SH3KBP1: variants seen among roughly 807,000 people sequenced by gnomAD.
The protein encoded by SH3KBP1 is SH3 domain-containing kinase-binding protein 1.
SH3KBP1 carries 8 observed loss-of-function variants against 50.1 expected under a neutral mutation model. The observed-to-expected ratio is 0.16, with a 90% confidence interval of 0.09 to 0.29. The LOEUF is 0.29. SH3KBP1 is among the 10% of genes least tolerant of loss of function. The probability of loss-of-function intolerance (pLI) is 1.00; values close to 1 mark genes in which losing one functional copy is unlikely to be tolerated. For synonymous variants in SH3KBP1, 227 were observed against 218.6 expected, an observed-to-expected ratio of 1.04 and a Z score of -0.34; for missense variants, 377 against 535.2, an observed-to-expected ratio of 0.70 and a Z score of 2.92.
chrX:19,610,641 C>A (rs888295288), intron 8 of SH3KBP1, among the ~76,000 whole-genome samples: 3 of 111,775 alleles, frequency 2.7e-5, no homozygotes, highest in African/African-American at 9.8e-5. Flanking sequence ...TGATCTCTAA[C>A]CCCAGGGAGC....
chrX:19,633,990 A>G (rs1179876478), intron 7 of SH3KBP1, among the ~76,000 whole-genome samples: 1 of 101,999 alleles, frequency 9.8e-6, no homozygotes, highest in African/African-American at 3.7e-5. Flanking sequence ...TGTGAGAGGA[A>G]ATCTGCTGGG....
At chrX:19,707,192 T>G in intron 3 of SH3KBP1, 2 of 520,641 alleles carry the variant, frequency 3.8e-6, no homozygotes, top group Non-Finnish European at 7.0e-6. Flanking sequence ...AGCTGCTGGG[T>G]CAGAAAGGCA....
chrX:19,628,981 C>T (rs1183355003), intron 8 of SH3KBP1, among the ~76,000 whole-genome samples: 4 of 111,427 alleles, frequency 3.6e-5, no homozygotes, highest in African/African-American at 1.3e-4. Flanking sequence ...CAGGCACACA[C>T]CTGTAATCCC....
intron 2 of SH3KBP1, among the ~76,000 whole-genome samples, chrX:19,792,026 A>G (rs2066546536): frequency 8.9e-6 from 1 of 111,825 alleles, no homozygotes; most frequent in South Asian, 3.7e-4. Flanking sequence ...AACTTCTAGA[A>G]GGAAAAAAAA....
intron 2 of SH3KBP1, among the ~76,000 whole-genome samples, chrX:19,776,377 C>T (rs1362528213): frequency 9.2e-6 from 1 of 109,083 alleles, no homozygotes; most frequent in African/African-American, 3.3e-5. Context: ...TGGAGAAAAC[C>T]CTCAAAAAGA....
intron 2 of SH3KBP1, among the ~76,000 whole-genome samples, chrX:19,823,798 C>T (rs1022748020): frequency 2.7e-5 from 3 of 111,645 alleles, no homozygotes; most frequent in East Asian, 2.8e-4. Context: ...ACAGAAGTTC[C>T]GCAATTAGAA....
At chrX:19,612,553 A>G (rs751874695) in intron 8 of SH3KBP1, among the ~76,000 whole-genome samples, 2 of 112,190 alleles carry the variant, frequency 1.8e-5, no homozygotes, top group South Asian at 7.5e-4. Flanking sequence ...GGCGTGAGCC[A>G]CAGCGCCTGG....
chrX:19,609,522 C>T (rs2067345245), intron 8 of SH3KBP1, among the ~76,000 whole-genome samples: 1 of 111,692 alleles, frequency 9.0e-6, no homozygotes. Context: ...AAAAAACCTG[C>T]TGATAACACA....
intron 13 of SH3KBP1, among the ~76,000 whole-genome samples, chrX:19,556,053 T>C (rs2065477642): frequency 1.8e-5 from 2 of 112,132 alleles, no homozygotes; most frequent in Non-Finnish European, 1.9e-5. Flanking sequence ...GTTCAAAAAA[T>C]GATTATTAAA....
chrX:19,545,898 C>T (rs1412622086), intron 15 of SH3KBP1, 24 bp downstream of exon 15: 1 of 1,208,695 alleles, frequency 8.3e-7, no homozygotes, highest in Non-Finnish European at 1.1e-6. Flanking sequence ...GACAGGGACA[C>T]CCTCGCCATG....
intron 3 of SH3KBP1, among the ~76,000 whole-genome samples, chrX:19,707,471 G>A (rs866657347): frequency 7.2e-5 from 8 of 111,627 alleles, no homozygotes; most frequent in Non-Finnish European, 1.5e-4. Flanking sequence ...TCAACATACG[G>A]GAACTCAAGC....
chrX:19,641,534 C>T (rs775627586), intron 7 of SH3KBP1, among the ~76,000 whole-genome samples: 6 of 111,897 alleles, frequency 5.4e-5, no homozygotes, highest in East Asian at 2.8e-4. Context: ...CATAAAATTT[C>T]GTAAGCAAGT....
chrX:19,757,482 A>G lies in SH3KBP1; in HGVS notation c.163-11041T>C, dbSNP rs2065245968. Among the ~76,000 whole-genome samples, 4 of 105,438 alleles carry G rather than the reference A, an allele frequency of 3.8e-5. No individual in the cohort carries two copies. In the South Asian group the frequency reaches 1.7e-3, roughly 45 times the overall value. 91.6% of individuals were successfully genotyped at this position (105,438 alleles called of 115,157 possible). A position where few individuals can be genotyped will look rare whatever the true frequency, so the allele number is the denominator to read the frequency against. On this transcript the variant is annotated intron_variant, in intron 2 of 17. Coordinates refer to ENST00000397821, the MANE Select transcript of SH3KBP1 (RefSeq NM_031892.3). ...GCATATCTGACTGTTCTCCTGCCCC[A>G]TTTTGTCTATGTTATCTTATGTAAA...
intron 8 of SH3KBP1, among the ~76,000 whole-genome samples, chrX:19,621,763 A>G (rs936483626): frequency 8.9e-6 from 1 of 111,762 alleles, no homozygotes; most frequent in Non-Finnish European, 1.9e-5. Flanking sequence ...TGTGACACAG[A>G]CTGCATGACC....
At chrX:19,867,594 C>G (rs2068946145) in intron 1 of SH3KBP1, among the ~76,000 whole-genome samples, 1 of 111,394 alleles carries the variant, frequency 9.0e-6, no homozygotes, top group Non-Finnish European at 1.9e-5. Context: ...GCCAAGATTT[C>G]TCAAGACAGG....
intron 1 of SH3KBP1, among the ~76,000 whole-genome samples, chrX:19,838,660 C>T (rs1479308692): frequency 3.6e-5 from 4 of 110,868 alleles, no homozygotes; most frequent in African/African-American, 1.3e-4. Flanking sequence ...AGGCCAAGGC[C>T]GGCGGATCAC....
chrX:19,713,311 G>T (rs2063824088), intron 3 of SH3KBP1, among the ~76,000 whole-genome samples: 1 of 109,212 alleles, frequency 9.2e-6, no homozygotes, highest in Non-Finnish European at 1.9e-5. Context: ...TGCCCAGGCT[G>T]GAGTACAGTG....
intron 12 of SH3KBP1, among the ~76,000 whole-genome samples, chrX:19,578,521 T>C (rs925863474): frequency 8.9e-6 from 1 of 111,737 alleles, no homozygotes; most frequent in African/African-American, 3.3e-5. Flanking sequence ...TCCTGTGCTC[T>C]GAGAGTGGGG....
intron 7 of SH3KBP1, among the ~76,000 whole-genome samples, chrX:19,639,429 T>C (rs992286434): frequency 8.9e-6 from 1 of 111,862 alleles, no homozygotes; most frequent in Admixed American, 9.5e-5. Flanking sequence ...CTCCTCTCGA[T>C]GGTACTTTCA....
Sources: gnomAD v4.1 joint callset for allele counts (sites outside exome capture counted in the v4.1 genomes callset) on GRCh38, gnomAD v4.1.1 for gene constraint, MANE v1.5 for transcripts, NCBI Gene and HGNC (gene_info 2026-07-23, HGNC 2026-07-21) for gene names.